ABCA10: variants seen among roughly 807,000 people sequenced by gnomAD.
ABCA10 encodes ATP-binding cassette sub-family A member 10.
In ABCA10, 169 loss-of-function variants were observed where a neutral mutation model predicts 187.5. The ratio of observed to expected loss-of-function variants is 0.90; its 90% CI spans 0.80 to 1.02. The LOEUF is 1.02. ABCA10 is among the 50% of genes least tolerant of loss of function. ABCA10 has a pLI of 0.00. For synonymous variants in ABCA10, 574 were observed against 601.8 expected (o/e 0.95, Z 0.68); for missense variants, 1,727 against 1,812.4 (o/e 0.95, Z 0.86).
At chr17:69,222,028 A>G (rs1452290608) in intron 4 of ABCA10, 133 bp from the exon 5 acceptor site, 1 of 666,174 alleles carries the variant, frequency 1.5e-6, no homozygotes, top group Non-Finnish European at 2.4e-6. Context: ...GATATAGAGG[A>G]TTTTTAAAGT....
chr17:69,215,997 C>T lies in ABCA10; in HGVS notation c.676G>A (p.Ala226Thr), dbSNP rs771786010. The change falls in exon 8 of 39, where the codon GCA becomes ACA. Residue 226 changes from alanine (A) to threonine (T), a missense_variant. Ala to Thr is a moderately conservative substitution (Grantham distance 58). Transcript: ENST00000690296. ...LYSLYGLSLI[A>T]LAFLMSVLIR... ...AAAACACTCATGAGGAAAGCCAATG[C>T]TATCTGAAGGAAGAAAGAGGTCTGA... 1.4e-5 allele frequency: 23 copies of T among 1,609,570 alleles called. No homozygotes were observed. Among genetic ancestry groups the T allele is most frequent in the Non-Finnish European group, 2.0e-5 (23 of 1,178,978 alleles).
Position 69,190,344 on chromosome 17 carries a change from A to C in ABCA10, c.2131+14T>G. On this transcript the variant is annotated intron_variant, in intron 18 of 38. Coordinates refer to ENST00000690296, the MANE Select transcript of ABCA10 (RefSeq NM_001377321.1). ...TTTTTTTCTTAATTTTCTGCTAGAC[A>C]CACATTTTTATACCTGGTTCATCAA... The C allele has an allele frequency of 1.3e-6, 2 of 1,533,448 alleles. No homozygotes were observed. The highest frequency in any genetic ancestry group is 1.3e-5 in the South Asian group (1 of 78,522). 95.0% of individuals were successfully genotyped at this position (1,533,448 alleles called of 1,614,324 possible).
chr17:69,152,022 C>G (rs1046430795), intron 36 of ABCA10, 21 bp downstream of exon 36: 3 of 1,598,994 alleles, frequency 1.9e-6, no homozygotes, highest in Non-Finnish European at 2.6e-6. Flanking sequence ...ACTTGTCACT[C>G]AAACCGAAAA....
chr17:69,177,955 CA>C (rs11320201), intron 22 of ABCA10, among the ~76,000 whole-genome samples: 5,215 of 64,000 alleles, frequency 0.081, 426 homozygotes, highest in African/African-American at 0.2. Flanking sequence ...GACTCCATTT[CA>C]AAAAAAAAAA....
chr17:69,175,324 T>G, intron 23 of ABCA10, 82 bp downstream of exon 23: 1 of 1,164,372 alleles, frequency 8.6e-7, no homozygotes, highest in Non-Finnish European at 1.2e-6. Context: ...AGTACAACTG[T>G]GTGTGTATAA....
chr17:69,237,245 G>C (rs961177736), intron 1 of ABCA10, among the ~76,000 whole-genome samples: 5 of 152,184 alleles, frequency 3.3e-5, no homozygotes, highest in African/African-American at 9.6e-5. Flanking sequence ...TAGCCTTAGG[G>C]CAGAGCAAAA....
At chr17:69,211,345 AT>A (rs1307719085) in intron 9 of ABCA10, among the ~76,000 whole-genome samples, 4 of 16,152 alleles carry the variant, frequency 2.5e-4, no homozygotes, top group African/African-American at 1.0e-3. Context: ...ATATATATAT[AT>A]ATATATATAT....
upstream of ABCA10, among the ~76,000 whole-genome samples, chr17:69,229,064 C>A (rs1255154637): frequency 6.6e-6 from 1 of 151,994 alleles, no homozygotes. Context: ...AAATCTGAAT[C>A]ATTCCAATGA....
At chr17:69,190,304 C>A in intron 18 of ABCA10, 54 bp downstream of exon 18, 1 of 1,489,180 alleles carries the variant, frequency 6.7e-7, no homozygotes, top group Non-Finnish European at 8.9e-7. Context: ...AGAACATCAT[C>A]TTTTTCTCTT....
Position 69,148,519 on chromosome 17 carries a change from GT to G in ABCA10, c.*307del, listed in dbSNP as rs1335313695. The stretch of plus-strand genomic sequence containing the variant: ...TTTTTATTTGTAAAATGTTCTCAGT[GT>G]TAGCTTTATTGATAATAACCGATAA... On this transcript the variant is annotated 3_prime_UTR_variant, in exon 39 of 39. Transcript: ENST00000690296. The G allele has an allele frequency of 4.8e-6, 1 of 208,288 alleles. No individual in the cohort carries two copies. Among genetic ancestry groups the G allele is most frequent in the East Asian group, 1.2e-4 (1 of 8,180 alleles). The allele number at this position is 208,288 out of a possible 1,614,324, so 12.9% of individuals were successfully genotyped here. A position where few individuals can be genotyped will look rare whatever the true frequency, so the allele number is the denominator to read the frequency against.
chr17:69,200,470 T>C (rs540169831), intron 10 of ABCA10, among the ~76,000 whole-genome samples: 6 of 152,310 alleles, frequency 3.9e-5, no homozygotes, highest in Middle Eastern at 3.4e-3. Context: ...CACTTAAGAA[T>C]ACTGCCCAAA....
intron 9 of ABCA10, among the ~76,000 whole-genome samples, chr17:69,204,505 C>T (rs1278879039): frequency 1.3e-5 from 2 of 152,318 alleles, no homozygotes; most frequent in East Asian, 3.9e-4. Context: ...TTCCTCCATG[C>T]CTTTTCTAAT....
At position 69,154,005 on chromosome 17, in the gene ABCA10, A is replaced by C; in HGVS notation, c.3791T>G (p.Val1264Gly). 12 of 1,613,170 alleles carry C rather than the reference A, an allele frequency of 7.4e-6. No individual in the cohort carries two copies. The highest frequency in any genetic ancestry group is 1.0e-5 in the Non-Finnish European group (12 of 1,179,570). The part of the protein sequence containing the change: ...GCTKPTAGVV[V>G]LQGSRASVRQ... Reference sequence around the variant, plus strand: ...TACTGATGCTCTGCTGCCTTGTAACACCACCTGCACAAGACAATGAATGTC... The same window carrying C: ...TACTGATGCTCTGCTGCCTTGTAACCCCACCTGCACAAGACAATGAATGTC... Residue 1264 changes from valine to glycine, a missense_variant, in exon 32 of 39, where the codon GTG (valine) becomes GGG (glycine). Transcript: ENST00000690296.
At chr17:69,210,170 C>CTTTTTTTTTTTTTTTTTTTTTTTTTTT (rs1160992125) in intron 9 of ABCA10, among the ~76,000 whole-genome samples, 1 of 70,894 alleles carries the variant, frequency 1.4e-5, no homozygotes, top group African/African-American at 6.7e-5. Flanking sequence ...GTGGTTATTT[C>CTTTTTTTTTTTTTTTTTTTTTTTTTTT]TTTTTTTTTT....
chr17:69,166,438 C>T (rs56242200), intron 25 of ABCA10, among the ~76,000 whole-genome samples: 15,623 of 152,046 alleles, frequency 0.1, 1,031 homozygotes, highest in Middle Eastern at 0.16. Flanking sequence ...AGTGTAAGGA[C>T]CATTGTAAAA....
At chr17:69,211,314 G>GATATATAT (rs58580286) in intron 9 of ABCA10, among the ~76,000 whole-genome samples, 18 of 30,326 alleles carry the variant, frequency 5.9e-4, no homozygotes, top group East Asian at 1.6e-3. Flanking sequence ...TCATATATAT[G>GATATATAT]ATATATATAT....
At chr17:69,196,894 TCCCAGGCACTC>T (rs950722166) in intron 11 of ABCA10, among the ~76,000 whole-genome samples, 159 bp downstream of exon 11, 5 of 151,546 alleles carry the variant, frequency 3.3e-5, no homozygotes, top group African/African-American at 1.2e-4. Context: ...GCGCCTGCAA[TCCCAGGCACTC>T]GGCAGGCACT....
intron 22 of ABCA10, among the ~76,000 whole-genome samples, chr17:69,180,455 T>G (rs1383365118): frequency 3.3e-5 from 5 of 152,074 alleles, no homozygotes; most frequent in Non-Finnish European, 1.5e-5. Flanking sequence ...CTTTAAGCAT[T>G]AAAGCATCTG....
intron 17 of ABCA10, 119 bp from the exon 18 acceptor site, chr17:69,190,596 C>T: frequency 2.2e-6 from 2 of 919,520 alleles, no homozygotes; most frequent in Non-Finnish European, 3.0e-6. Flanking sequence ...TTAAAGCAAT[C>T]ACAATAATCC....
Sources: allele counts gnomAD v4.1 joint callset (sites outside exome capture counted in the v4.1 genomes callset), GRCh38; gene constraint gnomAD v4.1.1; transcripts MANE v1.5; gene names NCBI Gene and HGNC (gene_info 2026-07-23, HGNC 2026-07-21).